GRB10: variants seen among roughly 807,000 people sequenced by gnomAD.
GRB10 encodes growth factor receptor-bound protein 10.
GRB10 carries 20 observed loss-of-function variants against 80.9 expected under a neutral mutation model. The ratio of observed to expected loss-of-function variants is 0.25; its 90% CI spans 0.17 to 0.36. The LOEUF (loss-of-function observed/expected upper bound fraction) is 0.36, where lower values mean the gene tolerates loss of function less well. GRB10 is among the 10% of genes least tolerant of loss of function. The probability of loss-of-function intolerance (pLI) is 1.00; values close to 1 mark genes in which losing one functional copy is unlikely to be tolerated. For missense variants in GRB10, 548 were observed against 747.7 expected (o/e 0.73, Z 3.12); for synonymous variants, 291 against 291.5 (o/e 1.00, Z 0.02).
intron 7 of GRB10, among the ~76,000 whole-genome samples, chr7:50,637,891 A>G (rs1190075047): frequency 6.6e-6 from 1 of 152,246 alleles, no homozygotes; most frequent in African/African-American, 2.4e-5. Flanking sequence ...ACACAGAAAT[A>G]AAGCCACATA....
intron 8 of GRB10, among the ~76,000 whole-genome samples, chr7:50,621,236 C>T (rs1453064065): frequency 6.6e-6 from 1 of 152,232 alleles, no homozygotes. Flanking sequence ...GCAGTGTAAA[C>T]ACACAGGGGG....
At chr7:50,773,189 T>C (rs1485043250) in intron 2 of GRB10, among the ~76,000 whole-genome samples, 2 of 151,870 alleles carry the variant, frequency 1.3e-5, no homozygotes, top group Non-Finnish European at 2.9e-5. Context: ...TAGAATAGCA[T>C]GGGAAAGACC....
At chr7:50,671,892 A>G (rs1029793535) in intron 6 of GRB10, among the ~76,000 whole-genome samples, 3 of 152,328 alleles carry the variant, frequency 2.0e-5, no homozygotes, top group South Asian at 2.1e-4. Flanking sequence ...AATCCCCACC[A>G]AAGAGGCTCA....
intron 2 of GRB10, among the ~76,000 whole-genome samples, chr7:50,767,141 C>A (rs2076428405): frequency 6.6e-6 from 1 of 152,172 alleles, no homozygotes. Context: ...GTATTTAGTT[C>A]TCTTGGTCTC....
chr7:50,791,346 G>A (rs1490167640), intron 1 of GRB10, among the ~76,000 whole-genome samples: 2 of 152,190 alleles, frequency 1.3e-5, no homozygotes, highest in Non-Finnish European at 2.9e-5. Context: ...CCCCAGACCA[G>A]GCAATCATCA....
chr7:50,735,861 A>G (rs796982359), intron 3 of GRB10, among the ~76,000 whole-genome samples: 9 of 152,234 alleles, frequency 5.9e-5, no homozygotes, highest in African/African-American at 2.2e-4. Flanking sequence ...TTTTGAGTAA[A>G]CTACAGGAAA....
At chr7:50,723,733 C>T (rs537478821) in intron 4 of GRB10, among the ~76,000 whole-genome samples, 9 of 152,326 alleles carry the variant, frequency 5.9e-5, no homozygotes, top group African/African-American at 2.2e-4. Flanking sequence ...ACGCCTGAAG[C>T]GGTACTGGGA....
chr7:50,618,947 TGAA>T, intron 9 of GRB10, among the ~76,000 whole-genome samples: 1 of 152,352 alleles, frequency 6.6e-6, no homozygotes, highest in South Asian at 2.1e-4. Context: ...TGTGTCTATG[TGAA>T]GAAGGAGACC....
At chr7:50,720,577 G>A (rs1439282183) in intron 4 of GRB10, among the ~76,000 whole-genome samples, 1 of 151,806 alleles carries the variant, frequency 6.6e-6, no homozygotes, top group Non-Finnish European at 1.5e-5. Flanking sequence ...AAAACCCCAA[G>A]GAAAAATAAC....
chr7:50,600,320 G>C (rs146907110), intron 17 of GRB10, among the ~76,000 whole-genome samples: 2 of 152,338 alleles, frequency 1.3e-5, no homozygotes, highest in African/African-American at 2.4e-5. Context: ...CTGTTTTACA[G>C]TTAGAGGAGG....
chr7:50,765,456 TAC>T (rs2076242445), intron 2 of GRB10, among the ~76,000 whole-genome samples: 1 of 152,204 alleles, frequency 6.6e-6, no homozygotes, highest in African/African-American at 2.4e-5. Flanking sequence ...AGGTGGTACA[TAC>T]ACACAGTGGA....
intron 5 of GRB10, among the ~76,000 whole-genome samples, chr7:50,693,977 C>T (rs2063135227): frequency 6.6e-6 from 1 of 151,668 alleles, no homozygotes; most frequent in African/African-American, 2.4e-5. Context: ...ACAAAAAAAG[C>T]TGGGCAGAGA....
intron 18 of GRB10, among the ~76,000 whole-genome samples, chr7:50,594,885 G>T (rs2046368399): frequency 6.6e-6 from 1 of 152,168 alleles, no homozygotes; most frequent in East Asian, 1.9e-4. Flanking sequence ...GGACCATGTG[G>T]AAGGAGAAAC....
chr7:50,769,303 C>G (rs2076720676), intron 2 of GRB10, among the ~76,000 whole-genome samples: 1 of 152,352 alleles, frequency 6.6e-6, no homozygotes, highest in Middle Eastern at 3.4e-3. Flanking sequence ...TTGTCCTCCA[C>G]TGTTGTGATG....
At chr7:50,723,151 A>G (rs2068022777) in intron 4 of GRB10, among the ~76,000 whole-genome samples, 1 of 152,194 alleles carries the variant, frequency 6.6e-6, no homozygotes, top group Admixed American at 6.5e-5. Context: ...TTTTCACAAT[A>G]CCAAGTAGCT....
chr7:50,629,744 C>T (rs1267434385), intron 7 of GRB10, among the ~76,000 whole-genome samples: 1 of 152,240 alleles, frequency 6.6e-6, no homozygotes, highest in Non-Finnish European at 1.5e-5. Context: ...TCTTTTAGAG[C>T]TGGCAGTTCT....
chr7:50,608,434 G>A (rs997000946), intron 13 of GRB10, among the ~76,000 whole-genome samples: 11 of 152,164 alleles, frequency 7.2e-5, no homozygotes, highest in Non-Finnish European at 1.2e-4. Context: ...GAAAAGAACC[G>A]CTAAGCTGAG....
chr7:50,641,010 T>C (rs1050698757), intron 7 of GRB10, among the ~76,000 whole-genome samples: 2 of 152,128 alleles, frequency 1.3e-5, no homozygotes, highest in African/African-American at 4.8e-5. Context: ...CCATCTCCTC[T>C]CCAGGGCTAG....
intron 5 of GRB10, among the ~76,000 whole-genome samples, chr7:50,690,232 GT>G (rs1208723545): frequency 6.6e-6 from 1 of 151,916 alleles, no homozygotes; most frequent in Non-Finnish European, 1.5e-5. Flanking sequence ...GGAGGTGGAG[GT>G]TGCGATGAGT....
Sources: allele counts gnomAD v4.1 joint callset (sites outside exome capture counted in the v4.1 genomes callset), GRCh38; gene constraint gnomAD v4.1.1; transcripts MANE v1.5; gene names NCBI Gene and HGNC (gene_info 2026-07-23, HGNC 2026-07-21).